The following PSMA1 variants were observed in gnomAD, a reference collection of about 807,000 sequenced individuals.
PSMA1 encodes the protein proteasome subunit alpha type-1.
In PSMA1, 3 loss-of-function variants were observed where a neutral mutation model predicts 38.4. That is an observed-to-expected ratio of 0.08 (90% CI 0.04 to 0.20). The LOEUF is 0.20. Among genes scored for constraint, PSMA1 ranks in the 10% least tolerant of loss-of-function variants. The pLI is 1.00. For synonymous variants in PSMA1, 101 were observed against 107.1 expected (o/e 0.94, Z 0.35); for missense variants, 227 against 325.3 (o/e 0.70, Z 2.32).
At chr11:14,524,903 C>T (rs1337938175), upstream of PSMA1, among the ~76,000 whole-genome samples, 1 of 152,136 alleles carries the variant, frequency 6.6e-6, no homozygotes, top group Non-Finnish European at 1.5e-5. Context: ...GAACTCTGGT[C>T]CAAGGCTCTG....
intron 1 of PSMA1, among the ~76,000 whole-genome samples, chr11:14,629,794 C>A (rs1338290609): frequency 6.6e-6 from 1 of 151,122 alleles, no homozygotes; most frequent in Non-Finnish European, 1.5e-5. Flanking sequence ...TTCTTCCTAC[C>A]CATGAGCATG....
chr11:14,521,956 G>A (rs1246896378), upstream of PSMA1, among the ~76,000 whole-genome samples: 4 of 152,042 alleles, frequency 2.6e-5, no homozygotes, highest in East Asian at 1.9e-4. Context: ...GTTCTCTTTC[G>A]TTTCTCCAGG....
intron 1 of PSMA1, among the ~76,000 whole-genome samples, chr11:14,612,438 T>C (rs1483094169): frequency 6.6e-6 from 1 of 152,160 alleles, no homozygotes; most frequent in Admixed American, 6.5e-5. Flanking sequence ...ACAATATATC[T>C]ATATAAAATA....
chr11:14,510,674 T>C (rs917215380), intron 8 of PSMA1, among the ~76,000 whole-genome samples, 198 bp downstream of exon 8: 4 of 152,202 alleles, frequency 2.6e-5, no homozygotes, highest in African/African-American at 9.7e-5. Flanking sequence ...TGAAATTTAC[T>C]GGTTTTACTG....
intron 2 of PSMA1, among the ~76,000 whole-genome samples, chr11:14,584,854 T>TAGTAAGAC (rs1452165776): frequency 1.3e-5 from 2 of 152,230 alleles, no homozygotes; most frequent in African/African-American, 4.8e-5. Context: ...CTGGCAATTG[T>TAGTAAGAC]AGTAAGACAG....
intron 2 of PSMA1, among the ~76,000 whole-genome samples, chr11:14,595,875 G>A (rs1165115220): frequency 6.6e-6 from 1 of 152,118 alleles, no homozygotes; most frequent in Non-Finnish European, 1.5e-5. Context: ...TATGGTTTTA[G>A]GTCTAACAGT....
chr11:14,569,239 G>C (rs111234094), intron 2 of PSMA1, among the ~76,000 whole-genome samples: 1 of 152,018 alleles, frequency 6.6e-6, no homozygotes, highest in African/African-American at 2.4e-5. Context: ...TCTTCTGCTG[G>C]GGGGAGGTTC....
At chr11:14,633,371 C>G (rs1455060425) in intron 1 of PSMA1, among the ~76,000 whole-genome samples, 2 of 152,058 alleles carry the variant, frequency 1.3e-5, no homozygotes, top group African/African-American at 4.8e-5. Flanking sequence ...GGACCCTCAG[C>G]TGCAGGTCTG....
At chr11:14,610,562 T>C (rs1023792023) in intron 2 of PSMA1, among the ~76,000 whole-genome samples, 2 of 152,252 alleles carry the variant, frequency 1.3e-5, no homozygotes, top group African/African-American at 4.8e-5. Flanking sequence ...TAAGACCTTA[T>C]CTTGTCTTCA....
chr11:14,553,266 A>C (rs1851906365), intron 2 of PSMA1, among the ~76,000 whole-genome samples: 1 of 152,190 alleles, frequency 6.6e-6, no homozygotes, highest in Admixed American at 6.5e-5. Flanking sequence ...ACATAACTAT[A>C]GTACAATATT....
chr11:14,622,340 T>C (rs1050286066), intron 1 of PSMA1, among the ~76,000 whole-genome samples: 8 of 152,258 alleles, frequency 5.3e-5, no homozygotes, highest in African/African-American at 1.7e-4. Context: ...GACTTAGAGC[T>C]ATGTTAATGT....
At chr11:14,563,665 C>G (rs1788800403) in intron 2 of PSMA1, among the ~76,000 whole-genome samples, 1 of 152,046 alleles carries the variant, frequency 6.6e-6, no homozygotes. Context: ...TATGTGTTTA[C>G]TGTAGAAAAT....
At chr11:14,538,282 T>C (rs372658737) in intron 2 of PSMA1, among the ~76,000 whole-genome samples, 1 of 152,224 alleles carries the variant, frequency 6.6e-6, no homozygotes, top group Non-Finnish European at 1.5e-5. Flanking sequence ...GTTTGTTTTA[T>C]ATAAAATTCA....
chr11:14,555,110 CAT>C (rs1335305909), intron 2 of PSMA1, among the ~76,000 whole-genome samples: 1 of 152,224 alleles, frequency 6.6e-6, no homozygotes, highest in Non-Finnish European at 1.5e-5. Flanking sequence ...CACTACGTCA[CAT>C]GTGTCCTCTT....
intron 2 of PSMA1, among the ~76,000 whole-genome samples, chr11:14,592,376 CTATATA>C (rs71044013): frequency 0.063 from 7,715 of 122,236 alleles, 392 homozygotes; most frequent in African/African-American, 0.16. Context: ...CTCTCTCTCT[CTATATA>C]TATATATATA....
intron 5 of PSMA1, chr11:14,514,167 A>T (rs1851389734): frequency 7.5e-7 from 1 of 1,335,820 alleles, no homozygotes; most frequent in African/African-American, 1.5e-5. Flanking sequence ...TAGAACCATT[A>T]AGAAACTTTA....
At chr11:14,587,882 T>G (rs1852367585) in intron 2 of PSMA1, among the ~76,000 whole-genome samples, 1 of 152,216 alleles carries the variant, frequency 6.6e-6, no homozygotes, top group Non-Finnish European at 1.5e-5. Context: ...GCCATTTTCT[T>G]CTTTTTGTGT....
At chr11:14,638,851 G>A (rs569475981) in intron 1 of PSMA1, among the ~76,000 whole-genome samples, 1 of 151,334 alleles carries the variant, frequency 6.6e-6, no homozygotes, top group South Asian at 2.1e-4. Flanking sequence ...CTTCAGATCT[G>A]CTGGGATAGC....
At chr11:14,541,955 G>A (rs996717104) in intron 2 of PSMA1, among the ~76,000 whole-genome samples, 3 of 152,160 alleles carry the variant, frequency 2.0e-5, no homozygotes, top group Non-Finnish European at 4.4e-5. Context: ...TTTCCACTGT[G>A]TAAGATTAGA....
Sources: gnomAD v4.1 joint callset for allele counts (sites outside exome capture counted in the v4.1 genomes callset) on GRCh38, gnomAD v4.1.1 for gene constraint, MANE v1.5 for transcripts, NCBI Gene and HGNC (gene_info 2026-07-23, HGNC 2026-07-21) for gene names.